Variants in VPS13C observed in about 807,000 individuals in gnomAD.
The protein encoded by VPS13C is vacuolar protein sorting 13 homolog C, also known as intermembrane lipid transfer protein VPS13C.
A neutral mutation model predicts 456.8 loss-of-function variants in VPS13C; 358 were observed. The observed-to-expected ratio is 0.78, with a 90% confidence interval of 0.72 to 0.86. The LOEUF (loss-of-function observed/expected upper bound fraction) is 0.86, where lower values mean the gene tolerates loss of function less well. Among genes scored for constraint, VPS13C ranks in the 40% least tolerant of loss-of-function variants. The pLI is 0.00. For missense variants in VPS13C, 4,818 were observed against 4,385.4 expected (o/e 1.10, Z -2.79); for synonymous variants, 1,578 against 1,486.7 (o/e 1.06, Z -1.41).
chr15:61,960,290 G>C (rs2140315167), intron 35 of VPS13C, among the ~76,000 whole-genome samples: 1 of 152,208 alleles, frequency 6.6e-6, no homozygotes, highest in East Asian at 1.9e-4. Flanking sequence ...GTCATAAAAA[G>C]ACAAAGAAAA....
Position 62,001,828 on chromosome 15 carries a change from T to TC in VPS13C, c.1291-1203dup, listed in dbSNP as rs745823557. ...ATGATGATTTCCAATTTCATCCATG[T>TC]CCCTACAAAGGACATGAACTCATCA... On this transcript the variant is annotated intron_variant, in intron 15 of 84. Transcript: ENST00000644861. Among the ~76,000 whole-genome samples, 46 of 152,356 alleles carry TC rather than the reference T, an allele frequency of 3.0e-4. 1 individual carries two copies. In the East Asian group the frequency reaches 8.7e-3, roughly 29 times the overall value.
chr15:61,861,886 G>A (rs993972907), intron 82 of VPS13C, among the ~76,000 whole-genome samples: 10 of 152,240 alleles, frequency 6.6e-5, no homozygotes, highest in East Asian at 5.8e-4. Context: ...GATCACTTGA[G>A]GCCAGGAGTT....
chr15:61,929,888 A>T, intron 50 of VPS13C, 140 bp from the exon 51 acceptor site: 1 of 825,948 alleles, frequency 1.2e-6, no homozygotes, highest in Admixed American at 3.0e-5. Flanking sequence ...ATTAACTAGA[A>T]TCTAATTTAT....
intron 6 of VPS13C, among the ~76,000 whole-genome samples, chr15:62,027,388 G>T (rs2047674767): frequency 6.6e-6 from 1 of 152,038 alleles, no homozygotes; most frequent in Non-Finnish European, 1.5e-5. Context: ...GTATCTCCAT[G>T]CTATCTTTGA....
chr15:61,878,554 G>C, intron 74 of VPS13C, 53 bp downstream of exon 74: 1 of 1,583,022 alleles, frequency 6.3e-7, no homozygotes. Context: ...TTAATGTCTA[G>C]AAACATGACC....
chr15:61,938,274 G>A (rs1003695404), intron 47 of VPS13C, among the ~76,000 whole-genome samples: 1 of 151,966 alleles, frequency 6.6e-6, no homozygotes, highest in Non-Finnish European at 1.5e-5. Context: ...TGTGGGGTGG[G>A]GGGGGAACAA....
rs114033023 is a variant in VPS13C at position 61,920,321 on chromosome 15, T to G, written c.7223A>C (p.Glu2408Ala). 1 of 1,593,728 alleles carries G rather than the reference T, an allele frequency of 6.3e-7. No homozygotes were observed. The highest frequency in any genetic ancestry group is 8.6e-7 in the Non-Finnish European group (1 of 1,167,288). Residue 2408 changes from glutamate to alanine, a missense_variant, in exon 57 of 85, where the codon GAG (glutamate) becomes GCG (alanine). This residue lies in a region of VPS13C where 4,552 missense variants were observed against 4,130.6 expected (regional missense o/e 1.10). Coordinates refer to ENST00000644861, the MANE Select transcript of VPS13C (RefSeq NM_020821.3). ...GTAGTCAAAAGTAGAAGCAGTGCCC[T>G]CTGAAAAACCCTGAAAAGGAACATA... ...VFNNLAKGFS[E>A]GTASTFDYSL... is the part of the protein sequence containing the mutation.
rs570743053 is a variant in VPS13C at position 62,007,889 on chromosome 15, G to A, written c.1119-410C>T. On this transcript the variant is annotated intron_variant, in intron 14 of 84. Coordinates refer to ENST00000644861, the MANE Select transcript of VPS13C (RefSeq NM_020821.3). ...TGAGAGGCCAAGGCGGGCAGATCAC[G>A]AGGTCAAGATTTTGAGACCATCCTG... Among the ~76,000 whole-genome samples, 322 of 152,094 alleles carry A rather than the reference G, an allele frequency of 2.1e-3. 1 individual carries two copies. The highest frequency in any genetic ancestry group is 7.4e-3 in the African/African-American group (305 of 41,492).
At position 61,961,754 on chromosome 15, in the gene VPS13C, G is replaced by C; in HGVS notation, c.3743C>G (p.Pro1248Arg). 3.1e-6 allele frequency: 5 copies of C among 1,613,832 alleles called. No individual in the cohort carries two copies. The highest frequency in any genetic ancestry group is 1.1e-5 in the South Asian group (1 of 91,070). ...AGAAGACTGTGGGATGACTATAACC[G>C]GTGCTTTCAAATCAATATTGATGGA... ...RVSINIDLKA[P>R]VIVIPQSSIS... The change falls in exon 35 of 85, where the codon CCG becomes CGG. Residue 1248 changes from proline (P) to arginine (R), a missense_variant. By Grantham distance (103) the Pro-to-Arg change is moderately radical (BLOSUM62 -2). This residue lies in a region of VPS13C where 4,552 missense variants were observed against 4,130.6 expected (regional missense o/e 1.10). Transcript: ENST00000644861.
intron 9 of VPS13C, among the ~76,000 whole-genome samples, chr15:62,016,206 A>C (rs1302659045): frequency 6.6e-6 from 1 of 151,224 alleles, no homozygotes; most frequent in Non-Finnish European, 1.5e-5. Context: ...TCTCCATATA[A>C]GTAGTCATAA....
chr15:61,969,427 T>G lies in VPS13C; in HGVS notation c.2783A>C (p.Gln928Pro). Residue 928 changes from glutamine (Q) to proline (P), a missense_variant, in exon 28 of 85, where the codon CAG becomes CCG. Coordinates refer to ENST00000644861, the MANE Select transcript of VPS13C (RefSeq NM_020821.3). ...TACTAGAATTGTATCTTCTTCTTTCTGCTGTTTAGTAAATTCCAAAATCAC... is the reference window on the plus strand; with the variant it reads ...TACTAGAATTGTATCTTCTTCTTTCGGCTGTTTAGTAAATTCCAAAATCAC... ...KEVILEFTKQ[Q>P]KEEDTILVFN... The G allele has an allele frequency of 6.4e-7, 1 of 1,560,008 alleles. No individual in the cohort carries two copies. Among genetic ancestry groups the G allele is most frequent in the Non-Finnish European group, 8.7e-7 (1 of 1,151,530 alleles).
intron 47 of VPS13C, among the ~76,000 whole-genome samples, chr15:61,937,598 G>C (rs575433108): frequency 6.6e-6 from 1 of 152,072 alleles, no homozygotes; most frequent in East Asian, 1.9e-4. Flanking sequence ...CCTCAACCTC[G>C]TGAGTAGCTA....
At chr15:62,025,441 T>C (rs989471976) in intron 6 of VPS13C, among the ~76,000 whole-genome samples, 3 of 151,980 alleles carry the variant, frequency 2.0e-5, no homozygotes, top group African/African-American at 7.3e-5. Flanking sequence ...AAAGAATGAG[T>C]TCTCAAAGAA....
At chr15:61,918,281 G>GT in intron 58 of VPS13C, 24 bp from the exon 59 acceptor site, 1 of 1,511,816 alleles carries the variant, frequency 6.6e-7, no homozygotes, top group Non-Finnish European at 8.8e-7. Flanking sequence ...AAAAATACAA[G>GT]TTTTTTAAAA....
chr15:62,020,368 T>C, intron 9 of VPS13C, 111 bp downstream of exon 9: 1 of 830,304 alleles, frequency 1.2e-6, no homozygotes, highest in Non-Finnish European at 1.7e-6. Context: ...TGATAATATA[T>C]TTAAAAAATC....
chr15:62,059,359 G>A (rs1179288289), intron 1 of VPS13C, among the ~76,000 whole-genome samples: 4 of 152,154 alleles, frequency 2.6e-5, no homozygotes, highest in African/African-American at 9.7e-5. Flanking sequence ...CATTTGAGTC[G>A]TTTTTTGAAT....
intron 23 of VPS13C, among the ~76,000 whole-genome samples, chr15:61,978,115 TAA>T (rs1271789707): frequency 6.6e-6 from 1 of 152,008 alleles, no homozygotes; most frequent in Non-Finnish European, 1.5e-5. Flanking sequence ...GGAAAATAAT[TAA>T]GTTAATTATC....
chr15:62,031,858 C>T (rs1051519782), intron 5 of VPS13C, among the ~76,000 whole-genome samples: 1 of 151,836 alleles, frequency 6.6e-6, no homozygotes, highest in African/African-American at 2.4e-5. Flanking sequence ...TTTCCTAAGT[C>T]TGAGTACGAA....
At chr15:61,909,370 G>C (rs922669893) in intron 64 of VPS13C, among the ~76,000 whole-genome samples, 1 of 152,158 alleles carries the variant, frequency 6.6e-6, no homozygotes, top group Admixed American at 6.5e-5. Flanking sequence ...ACCATGCCCA[G>C]CTAATTTTTG....
Sources: gnomAD v4.1 joint callset for allele counts (sites outside exome capture counted in the v4.1 genomes callset) on GRCh38, gnomAD v4.1.1 for gene constraint, gnomAD v4.1.1 regional missense constraint, MANE v1.5 for transcripts, NCBI Gene and HGNC (gene_info 2026-07-23, HGNC 2026-07-21) for gene names.